The following MYT1L variants were observed in gnomAD, a reference collection of about 807,000 sequenced individuals.
MYT1L encodes myelin transcription factor 1 like, also known as myelin transcription factor 1-like protein.
A neutral mutation model predicts 126.7 loss-of-function variants in MYT1L; 12 were observed. The ratio of observed to expected loss-of-function variants is 0.09; its 90% confidence interval spans 0.06 to 0.15. The LOEUF is 0.15. Ranked by LOEUF, MYT1L falls within the 10% of genes least tolerant of loss-of-function variation. MYT1L has a pLI of 1.00. For missense variants in MYT1L, 979 were observed against 1,585.2 expected, an observed-to-expected ratio of 0.62 and a Z score of 6.49; for synonymous variants, 541 against 604.2, an observed-to-expected ratio of 0.90 and a Z score of 1.53.
In MYT1L at chr2:1,802,812, G is replaced by A. The variant is rs889875966; in HGVS notation, c.3173-1013C>T. 3.3e-5 allele frequency among the ~76,000 whole-genome samples: 5 copies of A among 152,366 alleles called. No individual in the cohort carries two copies. The South Asian group carries it at 6.2e-4, about 19-fold the overall frequency. ...GGGTGTACACAGAAGGAGAGCAGGA[G>A]TTTGGCAAACACAATCACCCTAGAA... On this transcript the variant is annotated intron_variant, in intron 22 of 24. Coordinates refer to ENST00000647738, the MANE Select transcript of MYT1L (RefSeq NM_001303052.2).
intron 2 of MYT1L, among the ~76,000 whole-genome samples, chr2:2,267,774 G>A (rs561202742): frequency 2.4e-4 from 36 of 152,212 alleles, no homozygotes; most frequent in African/African-American, 7.0e-4. Context: ...GCCTGGATCC[G>A]TCAAGCTACA....
At position 1,801,821 on chromosome 2, in the gene MYT1L, T is replaced by C. The variant is rs2034906473; in HGVS notation, c.3173-22A>G. 7.1e-7 allele frequency: 1 copy of C among 1,400,702 alleles called. No homozygotes were observed. The highest frequency in any genetic ancestry group is 1.0e-6 in the Non-Finnish European group (1 of 1,001,634). 86.8% of individuals were successfully genotyped at this position (1,400,702 alleles called of 1,614,324 possible). On this transcript the variant is annotated intron_variant, in intron 22 of 24. Transcript: ENST00000647738. This position sits in a 1 kb window ranked among gnomAD's most constrained non-coding sequence, Gnocchi z 4.2. ...ATACCTGTAATAATGAATATTAGTA[T>C]GTTAAAACTGTTATATACAAAAATA... is the stretch of plus-strand genomic sequence containing the variant.
At chr2:2,314,183 T>C (rs1173803349) in intron 1 of MYT1L, among the ~76,000 whole-genome samples, 1 of 152,190 alleles carries the variant, frequency 6.6e-6, no homozygotes, top group African/African-American at 2.4e-5. Flanking sequence ...TAGAATGAAA[T>C]GATATGCATT....
At chr2:2,124,348 T>G (rs770820226) in intron 3 of MYT1L, among the ~76,000 whole-genome samples, 2 of 152,102 alleles carry the variant, frequency 1.3e-5, no homozygotes, top group Non-Finnish European at 2.9e-5. Context: ...CAGGCTGGAG[T>G]GCAATGGTGC....
intron 3 of MYT1L, among the ~76,000 whole-genome samples, chr2:2,137,026 G>C (rs1234929528): frequency 1.3e-5 from 2 of 151,824 alleles, no homozygotes; most frequent in Non-Finnish European, 2.9e-5. Flanking sequence ...AAAATCACAA[G>C]CATTCTTATA....
chr2:1,891,896 TCA>T, intron 15 of MYT1L, 139 bp downstream of exon 15: 1 of 1,389,054 alleles, frequency 7.2e-7, no homozygotes, highest in Non-Finnish European at 9.4e-7. Context: ...CACTAATTGT[TCA>T]CAGTGGCGAG....
chr2:1,998,703 TAGTTTA>T (rs1402345556), intron 4 of MYT1L, among the ~76,000 whole-genome samples: 6 of 152,172 alleles, frequency 3.9e-5, no homozygotes, highest in African/African-American at 1.4e-4. Flanking sequence ...TACTACATTG[TAGTTTA>T]AAACAAAAGA....
intron 3 of MYT1L, among the ~76,000 whole-genome samples, chr2:2,149,110 T>C (rs1473158857): frequency 6.6e-6 from 1 of 152,176 alleles, no homozygotes; most frequent in Non-Finnish European, 1.5e-5. Flanking sequence ...CCTCCTTCCT[T>C]ATTTTCTTCC....
intron 3 of MYT1L, among the ~76,000 whole-genome samples, chr2:2,121,984 C>T (rs2081081407): frequency 6.6e-6 from 1 of 152,284 alleles, no homozygotes; most frequent in Admixed American, 6.5e-5. Context: ...CACTGCTGCT[C>T]CCCGCACCCC....
chr2:2,274,334 G>A (rs1434079902), intron 2 of MYT1L, among the ~76,000 whole-genome samples: 1 of 151,048 alleles, frequency 6.6e-6, no homozygotes, highest in South Asian at 2.1e-4. Context: ...AGGAAGGAAG[G>A]GAGGGAGGGA....
At chr2:1,804,984 G>A (rs1236669855) in intron 22 of MYT1L, among the ~76,000 whole-genome samples, 1 of 152,128 alleles carries the variant, frequency 6.6e-6, no homozygotes, top group East Asian at 1.9e-4. Flanking sequence ...GCCACTGATG[G>A]TACAACTTCA....
chr2:2,261,708 A>C (rs1304456951), intron 2 of MYT1L, among the ~76,000 whole-genome samples: 1 of 152,236 alleles, frequency 6.6e-6, no homozygotes, highest in African/African-American at 2.4e-5. Context: ...ATTTGTGGAG[A>C]TCTTCAGACC....
intron 18 of MYT1L, among the ~76,000 whole-genome samples, chr2:1,858,124 A>G (rs1015085708): frequency 3.9e-5 from 6 of 152,266 alleles, no homozygotes; most frequent in African/African-American, 1.4e-4. Context: ...TTGGCCTCCC[A>G]AAGTGCTGGG....
intron 21 of MYT1L, among the ~76,000 whole-genome samples, chr2:1,820,795 C>T (rs1051560236): frequency 2.0e-5 from 3 of 152,138 alleles, no homozygotes; most frequent in Middle Eastern, 3.2e-3. Context: ...GATCCTCCTG[C>T]GTCCTCCTCC....
At chr2:2,229,738 T>A (rs779502375) in intron 2 of MYT1L, among the ~76,000 whole-genome samples, 8 of 152,164 alleles carry the variant, frequency 5.3e-5, no homozygotes, top group Non-Finnish European at 1.2e-4. Context: ...GCATATATTA[T>A]CTCTAAACCT....
intron 1 of MYT1L, among the ~76,000 whole-genome samples, chr2:2,291,324 G>A (rs1332287757): frequency 6.6e-6 from 1 of 152,208 alleles, no homozygotes; most frequent in Non-Finnish European, 1.5e-5. Context: ...AAATGAAAAT[G>A]TTCTGGGCTC....
At chr2:1,996,843 G>A (rs1283330939) in intron 5 of MYT1L, among the ~76,000 whole-genome samples, 1 of 144,634 alleles carries the variant, frequency 6.9e-6, no homozygotes, top group Non-Finnish European at 1.5e-5. Flanking sequence ...GTGTAGACGG[G>A]CCGCCTTTAC....
intron 3 of MYT1L, among the ~76,000 whole-genome samples, chr2:2,142,231 C>G (rs1309519642): frequency 1.3e-5 from 2 of 152,120 alleles, no homozygotes; most frequent in Non-Finnish European, 2.9e-5. Flanking sequence ...TTGCAATCAT[C>G]TACTCTCAAG....
At chr2:1,818,988 A>G (rs556889693) in intron 21 of MYT1L, among the ~76,000 whole-genome samples, 11 of 152,280 alleles carry the variant, frequency 7.2e-5, no homozygotes, top group Admixed American at 4.6e-4. Flanking sequence ...GTGACCACCC[A>G]GATGGCCCCC....
Sources: gnomAD v4.1 joint callset for allele counts (sites outside exome capture counted in the v4.1 genomes callset) on GRCh38, gnomAD v4.1.1 for gene constraint, Gnocchi (gnomAD v3.1) non-coding constraint, MANE v1.5 for transcripts, NCBI Gene and HGNC (gene_info 2026-07-23, HGNC 2026-07-21) for gene names.